UBE2D2: variants seen among roughly 807,000 people sequenced by gnomAD.
UBE2D2 encodes ubiquitin conjugating enzyme E2 D2, also known as ubiquitin-conjugating enzyme E2 D2.
Under a neutral mutation model 24.2 loss-of-function variants are expected in UBE2D2, and 2 were observed. That is an observed-to-expected ratio of 0.08 (90% CI 0.03 to 0.26). UBE2D2 has a LOEUF of 0.26. Ranked by LOEUF, UBE2D2 falls within the 10% of genes least tolerant of loss-of-function variation. The pLI is 1.00. For synonymous variants in UBE2D2, 58 were observed against 56.5 expected (o/e 1.03, Z -0.12); for missense variants, 44 against 177.6 (o/e 0.25, Z 4.28).
intron 1 of UBE2D2, chr5:139,562,097 G>C: frequency 1.0e-6 from 1 of 957,572 alleles, no homozygotes; most frequent in Non-Finnish European, 1.5e-6. Context: ...TCCAGTCTGG[G>C]ACTGCCGCTG....
chr5:139,586,886 A>G (rs544333352), intron 1 of UBE2D2, among the ~76,000 whole-genome samples: 2 of 152,376 alleles, frequency 1.3e-5, no homozygotes, highest in South Asian at 2.1e-4. Flanking sequence ...ATCAGCATAA[A>G]TACAATATAG....
intron 1 of UBE2D2, among the ~76,000 whole-genome samples, chr5:139,579,551 A>G (rs1336341165): frequency 2.0e-5 from 3 of 152,114 alleles, no homozygotes; most frequent in African/African-American, 7.2e-5. Context: ...TGGCCTCCCA[A>G]AGTGCTGGGA....
chr5:139,532,707 G>A (rs945310553), intron 1 of UBE2D2, among the ~76,000 whole-genome samples: 5 of 151,772 alleles, frequency 3.3e-5, no homozygotes, highest in Admixed American at 2.6e-4. Context: ...CATTGGTCTC[G>A]AACTCCTGAC....
intron 1 of UBE2D2, among the ~76,000 whole-genome samples, chr5:139,550,727 C>G (rs1752905853): frequency 6.6e-6 from 1 of 151,844 alleles, no homozygotes; most frequent in Admixed American, 6.6e-5. Context: ...ATGAGTAACT[C>G]CAGACGCGCT....
intron 2 of UBE2D2, among the ~76,000 whole-genome samples, chr5:139,603,456 C>T (rs13361425): frequency 2.9e-3 from 440 of 151,712 alleles, no homozygotes; most frequent in African/African-American, 0.01. Flanking sequence ...AACCCTGTCT[C>T]TACTAAAAAT....
At chr5:139,592,852 C>T (rs1327954140) in intron 1 of UBE2D2, among the ~76,000 whole-genome samples, 3 of 151,936 alleles carry the variant, frequency 2.0e-5, no homozygotes, top group South Asian at 2.1e-4. Context: ...ATCTACCCAC[C>T]TTGGCCTCCC....
At chr5:139,569,465 A>G (rs890195202) in intron 1 of UBE2D2, among the ~76,000 whole-genome samples, 4 of 152,196 alleles carry the variant, frequency 2.6e-5, no homozygotes, top group African/African-American at 7.2e-5. Flanking sequence ...TTCCCAGGAT[A>G]GGAGTATCTG....
intron 1 of UBE2D2, among the ~76,000 whole-genome samples, chr5:139,547,764 G>A (rs1368622744): frequency 6.6e-6 from 1 of 151,712 alleles, no homozygotes; most frequent in Non-Finnish European, 1.5e-5. Flanking sequence ...GTGTGATCTT[G>A]GCTCACTGCA....
chr5:139,625,011 T>C (rs1350588281), intron 6 of UBE2D2, among the ~76,000 whole-genome samples: 1 of 152,138 alleles, frequency 6.6e-6, no homozygotes, highest in Non-Finnish European at 1.5e-5. Flanking sequence ...TGTTGAACAC[T>C]GTTGAACAGA....
chr5:139,602,666 G>A (rs915864725), intron 2 of UBE2D2, among the ~76,000 whole-genome samples: 2 of 151,936 alleles, frequency 1.3e-5, no homozygotes, highest in African/African-American at 2.4e-5. Flanking sequence ...CAACGGGAGC[G>A]AGACTCTCTC....
chr5:139,542,077 C>T (rs1242578768), intron 1 of UBE2D2, among the ~76,000 whole-genome samples: 2 of 152,124 alleles, frequency 1.3e-5, no homozygotes, highest in Admixed American at 1.3e-4. Flanking sequence ...ATCCCAGCTA[C>T]TCAGGAGGCT....
intron 1 of UBE2D2, 151 bp downstream of exon 1, chr5:139,561,966 A>G (rs1287975994): frequency 8.8e-7 from 1 of 1,141,580 alleles, no homozygotes; most frequent in Non-Finnish European, 1.2e-6. Context: ...ACTCCCAGTG[A>G]TGGCGCCCGT....
At chr5:139,606,491 A>T (rs1232795309) in intron 2 of UBE2D2, among the ~76,000 whole-genome samples, 1 of 152,156 alleles carries the variant, frequency 6.6e-6, no homozygotes, top group South Asian at 2.1e-4. Context: ...GGCTTCATCC[A>T]GAATACTAAA....
intron 1 of UBE2D2, among the ~76,000 whole-genome samples, chr5:139,538,572 T>C (rs116311420): frequency 0.014 from 2,122 of 151,998 alleles, 52 homozygotes; most frequent in African/African-American, 0.048. Context: ...TGGTAAAATA[T>C]ATATATATAA....
chr5:139,567,632 C>T lies in UBE2D2; in HGVS notation c.24+5817C>T, dbSNP rs577179220. Among the ~76,000 whole-genome samples the T allele has an allele frequency of 4.1e-5, 6 of 146,520 alleles. No individual in the cohort carries two copies. The South Asian group carries it at 1.1e-3, about 27-fold the overall frequency. On this transcript the variant is annotated intron_variant, in intron 1 of 6. Coordinates refer to ENST00000398733, the MANE Select transcript of UBE2D2 (RefSeq NM_003339.3). ...CACTGCAAGCTCTGCCTCCTGGGTT[C>T]ACGCCATTCTCCTGCCTCAGTCTCC...
intron 5 of UBE2D2, among the ~76,000 whole-genome samples, chr5:139,623,080 G>A (rs372295855): frequency 2.6e-4 from 39 of 151,842 alleles, no homozygotes; most frequent in African/African-American, 8.5e-4. Context: ...GTTCAAGCCT[G>A]TAATCCCAGG....
chr5:139,562,717 G>A (rs898491832), intron 1 of UBE2D2, among the ~76,000 whole-genome samples: 1 of 152,064 alleles, frequency 6.6e-6, no homozygotes, highest in Non-Finnish European at 1.5e-5. Flanking sequence ...TTAAAGTGAA[G>A]GGTTATTTAG....
chr5:139,557,493 A>G (rs1022950178), upstream of UBE2D2, among the ~76,000 whole-genome samples: 12 of 152,110 alleles, frequency 7.9e-5, no homozygotes, highest in African/African-American at 2.9e-4. Context: ...CACACCTGCA[A>G]TCCCAGCAGT....
chr5:139,547,372 G>T (rs1752847736), intron 1 of UBE2D2, among the ~76,000 whole-genome samples: 1 of 152,116 alleles, frequency 6.6e-6, no homozygotes, highest in Non-Finnish European at 1.5e-5. Context: ...GTAAAGACAA[G>T]AACAGAAAAT....
Sources: gnomAD v4.1 joint callset for allele counts (sites outside exome capture counted in the v4.1 genomes callset) on GRCh38, gnomAD v4.1.1 for gene constraint, MANE v1.5 for transcripts, NCBI Gene and HGNC (gene_info 2026-07-23, HGNC 2026-07-21) for gene names.